Variants in FSHR observed in about 807,000 individuals in gnomAD.
FSHR encodes the protein follicle stimulating hormone receptor, also known as follicle-stimulating hormone receptor.
A neutral mutation model predicts 52.1 loss-of-function variants in FSHR; 46 were observed. That is an observed-to-expected ratio of 0.88 (90% confidence interval 0.70 to 1.13). The LOEUF (loss-of-function observed/expected upper bound fraction) is 1.13. Ranked by LOEUF, FSHR falls within the 50% of genes most tolerant of loss-of-function variation. The pLI, the probability that FSHR is intolerant of heterozygous loss-of-function variation, is 0.00. For missense variants in FSHR, 964 were observed against 834.6 expected (o/e 1.16, Z -1.91); for synonymous variants, 399 against 309.6 (o/e 1.29, Z -3.03).
intron 1 of FSHR, among the ~76,000 whole-genome samples, chr2:49,127,829 C>CTTTTTTT (rs1672092224): frequency 2.4e-5 from 1 of 40,904 alleles, no homozygotes; most frequent in Non-Finnish European, 4.2e-5. Context: ...TCTTCTTCTT[C>CTTTTTTT]CTCTTCTTCT....
At chr2:49,022,730 T>C (rs954433285) in intron 2 of FSHR, among the ~76,000 whole-genome samples, 1 of 152,134 alleles carries the variant, frequency 6.6e-6, no homozygotes, top group Admixed American at 6.5e-5. Context: ...TTGGATTCTT[T>C]GTTGCAAAAT....
intron 9 of FSHR, among the ~76,000 whole-genome samples, chr2:48,966,000 A>C (rs533691756): frequency 6.6e-6 from 1 of 152,190 alleles, no homozygotes; most frequent in Non-Finnish European, 1.5e-5. Flanking sequence ...GTGGCATAGC[A>C]GTGTCGCAGA....
At chr2:49,001,903 G>A (rs1053685410) in intron 4 of FSHR, among the ~76,000 whole-genome samples, 3 of 152,088 alleles carry the variant, frequency 2.0e-5, no homozygotes, top group Admixed American at 6.6e-5. Flanking sequence ...CTCATCTGTA[G>A]ATTGGGAAAA....
chr2:48,983,284 C>T, intron 6 of FSHR, 118 bp from the exon 7 acceptor site: 2 of 875,486 alleles, frequency 2.3e-6, no homozygotes, highest in Non-Finnish European at 3.7e-6. Context: ...AAAGAAAATG[C>T]CACTTTTAAA....
chr2:49,091,402 C>A (rs1483598588), intron 1 of FSHR, among the ~76,000 whole-genome samples: 1 of 152,126 alleles, frequency 6.6e-6, no homozygotes, highest in Non-Finnish European at 1.5e-5. Context: ...CTCCCAAGTT[C>A]AAGTGATCCT....
chr2:49,139,953 G>T (rs186118576), intron 1 of FSHR, among the ~76,000 whole-genome samples: 326 of 152,144 alleles, frequency 2.1e-3, no homozygotes, highest in Middle Eastern at 6.8e-3. Flanking sequence ...AATCTTTAAG[G>T]CTCCAAGAAT....
At chr2:49,069,191 A>G (rs1669633630) in intron 1 of FSHR, among the ~76,000 whole-genome samples, 1 of 152,060 alleles carries the variant, frequency 6.6e-6, no homozygotes, top group Non-Finnish European at 1.5e-5. Flanking sequence ...TAGACCCTGT[A>G]TTCTCAGTTT....
intron 8 of FSHR, 79 bp from the exon 9 acceptor site, chr2:48,968,962 A>G: frequency 2.4e-6 from 3 of 1,228,752 alleles, no homozygotes; most frequent in Non-Finnish European, 3.5e-6. Context: ...GCAAAATAGC[A>G]GACACACTAG....
At chr2:48,972,331 G>A (rs964684801) in intron 8 of FSHR, among the ~76,000 whole-genome samples, 1 of 152,090 alleles carries the variant, frequency 6.6e-6, no homozygotes, top group Admixed American at 6.5e-5. Flanking sequence ...TAAACGTTCT[G>A]GTGGTCCAGG....
At chr2:49,078,294 G>A (rs563664169) in intron 1 of FSHR, among the ~76,000 whole-genome samples, 3 of 152,222 alleles carry the variant, frequency 2.0e-5, no homozygotes, top group African/African-American at 4.8e-5. Flanking sequence ...AAAACCATCC[G>A]ATCTCGTGAG....
intron 2 of FSHR, among the ~76,000 whole-genome samples, chr2:49,064,345 C>A (rs549601442): frequency 7.1e-4 from 1 of 1,412 alleles, no homozygotes; most frequent in Non-Finnish European, 1.0e-3. Flanking sequence ...GGGCCCACAC[C>A]ACAAGGGCCC....
chr2:48,976,658 G>A (rs1188869769), intron 8 of FSHR, among the ~76,000 whole-genome samples: 1 of 152,106 alleles, frequency 6.6e-6, no homozygotes, highest in Non-Finnish European at 1.5e-5. Flanking sequence ...CTCAATTTCT[G>A]AACTTGTTAT....
At chr2:49,030,392 A>G (rs534217449) in intron 2 of FSHR, among the ~76,000 whole-genome samples, 1 of 151,470 alleles carries the variant, frequency 6.6e-6, no homozygotes, top group East Asian at 1.9e-4. Context: ...TCTGGGTTCG[A>G]TTGTGCCTTT....
intron 1 of FSHR, among the ~76,000 whole-genome samples, chr2:49,069,965 C>T (rs1194989199): frequency 6.6e-6 from 1 of 152,156 alleles, no homozygotes; most frequent in African/African-American, 2.4e-5. Flanking sequence ...TCAGATAGAG[C>T]TGCTACTCAG....
Position 48,963,393 on chromosome 2 carries a change from C to G in FSHR, c.1428G>C (p.Gln476His). The G allele has an allele frequency of 1.2e-6, 2 of 1,614,060 alleles. No individual in the cohort carries two copies. The highest frequency in any genetic ancestry group is 1.7e-6 in the Non-Finnish European group (2 of 1,179,984). ...GGCGGAGCTGCACCTTGCAGTCCAG[C>G]TGCATGGCATGCGTGATGGTATGCC... ...ERWHTITHAM[Q>H]LDCKVQLRHA... The change falls in exon 10 of 10, where the codon CAG becomes CAC. Residue 476 changes from glutamine (Q) to histidine (H), a missense_variant. Gln to His is a conservative substitution (Grantham distance 24, BLOSUM62 0). Transcript: ENST00000406846.
chr2:48,978,739 A>G (rs1200357509), intron 8 of FSHR, among the ~76,000 whole-genome samples: 10 of 152,198 alleles, frequency 6.6e-5, no homozygotes, highest in African/African-American at 2.4e-4. Context: ...CTGAAACTCG[A>G]TGAAACTTGT....
intron 4 of FSHR, among the ~76,000 whole-genome samples, chr2:49,000,093 G>T (rs1247602137): frequency 1.3e-5 from 2 of 152,062 alleles, no homozygotes; most frequent in Non-Finnish European, 1.5e-5. Context: ...GAACTGTATT[G>T]GTGAAAGGGC....
intron 1 of FSHR, among the ~76,000 whole-genome samples, chr2:49,132,897 T>C (rs1459417347): frequency 1.3e-5 from 2 of 150,640 alleles, no homozygotes; most frequent in Non-Finnish European, 2.9e-5. Context: ...ATTCAGAGTT[T>C]CTTGAAATGG....
At chr2:48,979,175 T>C (rs1333340263) in intron 8 of FSHR, among the ~76,000 whole-genome samples, 2 of 152,128 alleles carry the variant, frequency 1.3e-5, no homozygotes, top group Non-Finnish European at 2.9e-5. Flanking sequence ...CTGGGTGTTA[T>C]GACTCACGCC....
Sources: gnomAD v4.1 joint callset for allele counts (sites outside exome capture counted in the v4.1 genomes callset) on GRCh38, gnomAD v4.1.1 for gene constraint, MANE v1.5 for transcripts, NCBI Gene and HGNC (gene_info 2026-07-23, HGNC 2026-07-21) for gene names.